Variants in PDE11A observed in about 807,000 individuals in gnomAD.
PDE11A encodes the protein dual 3',5'-cyclic-AMP and -GMP phosphodiesterase 11A.
In PDE11A, 100 loss-of-function variants were observed where a neutral mutation model predicts 100.5. The ratio of observed to expected loss-of-function variants is 1.00; its 90% CI spans 0.85 to 1.18. PDE11A has a LOEUF of 1.18. Among genes scored for constraint, PDE11A ranks in the 50% most tolerant of loss-of-function variants. The pLI is 0.00. For missense variants in PDE11A, 1,141 were observed against 1,152.6 expected (o/e 0.99, Z 0.15); for synonymous variants, 381 against 420.8 (o/e 0.91, Z 1.16).
intron 13 of PDE11A, among the ~76,000 whole-genome samples, chr2:177,702,153 T>C (rs756153611): frequency 2.6e-5 from 4 of 152,162 alleles, no homozygotes; most frequent in Non-Finnish European, 4.4e-5. Context: ...AAATTTCATT[T>C]ATGTAGAACA....
chr2:178,031,707 T>C (rs978249918), intron 1 of PDE11A, among the ~76,000 whole-genome samples: 3 of 152,156 alleles, frequency 2.0e-5, no homozygotes, highest in Non-Finnish European at 1.5e-5. Context: ...GTAGGAAGAC[T>C]GACTCTCATA....
At chr2:178,060,420 C>T (rs1435232771) in intron 1 of PDE11A, among the ~76,000 whole-genome samples, 1 of 152,180 alleles carries the variant, frequency 6.6e-6, no homozygotes, top group African/African-American at 2.4e-5. Context: ...TGACCTCCAC[C>T]CTTTGACCAT....
intron 2 of PDE11A, among the ~76,000 whole-genome samples, chr2:178,096,657 G>T (rs753615467): frequency 6.6e-6 from 1 of 152,144 alleles, no homozygotes; most frequent in African/African-American, 2.4e-5. Flanking sequence ...CTTTGCTAAC[G>T]CATAGCAACA....
At chr2:177,834,492 T>C (rs2083359924) in intron 6 of PDE11A, among the ~76,000 whole-genome samples, 1 of 152,214 alleles carries the variant, frequency 6.6e-6, no homozygotes. Flanking sequence ...CTCACCCCAA[T>C]GGTTGCAGGC....
chr2:177,847,478 A>G (rs1175783021), intron 5 of PDE11A, among the ~76,000 whole-genome samples: 2 of 152,126 alleles, frequency 1.3e-5, no homozygotes, highest in African/African-American at 4.8e-5. Flanking sequence ...AAACACAACT[A>G]CACCTTGATT....
intron 10 of PDE11A, among the ~76,000 whole-genome samples, chr2:177,729,423 G>A (rs1254933711): frequency 1.3e-5 from 2 of 152,288 alleles, no homozygotes; most frequent in East Asian, 3.9e-4. Flanking sequence ...TTGTGGGGAT[G>A]CCTTTCTCTC....
At chr2:177,943,903 A>G (rs770193717) in intron 2 of PDE11A, among the ~76,000 whole-genome samples, 4 of 152,198 alleles carry the variant, frequency 2.6e-5, no homozygotes, top group Admixed American at 6.5e-5. Context: ...AGTTTTGTGT[A>G]AGGTGTAAAA....
intron 1 of PDE11A, among the ~76,000 whole-genome samples, chr2:178,021,160 C>T (rs1362385453): frequency 6.6e-6 from 1 of 152,006 alleles, no homozygotes; most frequent in Non-Finnish European, 1.5e-5. Flanking sequence ...GGGGGTTTCA[C>T]CATGTTGGCC....
chr2:177,652,091 C>T (rs2080319679), intron 19 of PDE11A, among the ~76,000 whole-genome samples: 4 of 152,208 alleles, frequency 2.6e-5, no homozygotes, highest in African/African-American at 9.7e-5. Context: ...GTTGCTGAGG[C>T]AGCCCTGTGG....
At chr2:177,680,696 G>C (rs908390987) in intron 16 of PDE11A, 130 bp downstream of exon 16, 1 of 581,220 alleles carries the variant, frequency 1.7e-6, no homozygotes, top group Non-Finnish European at 3.1e-6. Flanking sequence ...ACTGATCTCT[G>C]AATGTTTTGA....
At chr2:177,921,412 G>A (rs2085043134) in intron 2 of PDE11A, among the ~76,000 whole-genome samples, 2 of 149,688 alleles carry the variant, frequency 1.3e-5, no homozygotes, top group South Asian at 4.2e-4. Context: ...GTACTGGTTT[G>A]TGTCCTACAA....
intron 9 of PDE11A, among the ~76,000 whole-genome samples, chr2:177,785,402 G>A (rs2082517805): frequency 6.6e-6 from 1 of 152,190 alleles, no homozygotes; most frequent in South Asian, 2.1e-4. Context: ...TTCTGGGAGG[G>A]CAGCCAAGAT....
chr2:177,709,137 G>A (rs993907745), intron 13 of PDE11A, among the ~76,000 whole-genome samples: 8 of 152,204 alleles, frequency 5.3e-5, no homozygotes, highest in Admixed American at 3.3e-4. Flanking sequence ...CTGGGCCAGG[G>A]AAATGGGCAG....
Position 178,071,853 on chromosome 2 carries a change from A to G in PDE11A, c.585T>C (p.His195=). ...YPPTAIDYKC[H]LKKHNERQFF... Reference sequence around the variant, plus strand: ...ACTGACGCTCATTATGCTTTTTCAGATGGCACTTGTAGTCGATGGCTGTAG... The same window carrying G: ...ACTGACGCTCATTATGCTTTTTCAGGTGGCACTTGTAGTCGATGGCTGTAG... Residue 195 remains histidine (H), a synonymous_variant, in exon 1 of 20, where the codon CAT becomes CAC. Transcript: ENST00000286063. The G allele has an allele frequency of 6.2e-7, 1 of 1,614,056 alleles. No homozygotes were observed. Among genetic ancestry groups the G allele is most frequent in the Non-Finnish European group, 8.5e-7 (1 of 1,179,972 alleles).
At chr2:177,680,062 T>C (rs2080838253) in intron 16 of PDE11A, among the ~76,000 whole-genome samples, 1 of 152,088 alleles carries the variant, frequency 6.6e-6, no homozygotes, top group Admixed American at 6.5e-5. Context: ...AGAGATTTTA[T>C]ATAGCAGATA....
chr2:178,083,003 T>G (rs1286875590), intron 2 of PDE11A, among the ~76,000 whole-genome samples: 1 of 152,190 alleles, frequency 6.6e-6, no homozygotes, highest in Non-Finnish European at 1.5e-5. Flanking sequence ...TTCAGTCAGT[T>G]GTAGGCCTTA....
intron 2 of PDE11A, among the ~76,000 whole-genome samples, chr2:178,094,300 G>A (rs183877614): frequency 2.9e-4 from 44 of 152,196 alleles, no homozygotes; most frequent in African/African-American, 1.0e-3. Flanking sequence ...AGCCTGAGGC[G>A]GGTGGATCGC....
At chr2:177,774,295 T>C (rs1271671819) in intron 9 of PDE11A, among the ~76,000 whole-genome samples, 2 of 152,220 alleles carry the variant, frequency 1.3e-5, no homozygotes, top group African/African-American at 2.4e-5. Flanking sequence ...TCACCTATGG[T>C]CACTGGCCAT....
At chr2:177,829,610 ATT>A (rs71410764) in intron 6 of PDE11A, among the ~76,000 whole-genome samples, 13 of 141,938 alleles carry the variant, frequency 9.2e-5, no homozygotes, top group Admixed American at 1.4e-4. Context: ...CTCCTGGCTA[ATT>A]TTTTTTTTTT....
Sources: gnomAD v4.1 joint callset for allele counts (sites outside exome capture counted in the v4.1 genomes callset) on GRCh38, gnomAD v4.1.1 for gene constraint, MANE v1.5 for transcripts, NCBI Gene and HGNC (gene_info 2026-07-23, HGNC 2026-07-21) for gene names.